The following FBXO31 variants were observed in gnomAD, a reference collection of about 807,000 sequenced individuals.
FBXO31 encodes the protein F-box only protein 31.
FBXO31 carries 24 observed loss-of-function variants against 54.4 expected under a neutral mutation model. The ratio of observed to expected loss-of-function variants is 0.44; its 90% confidence interval spans 0.32 to 0.62. FBXO31 has a LOEUF of 0.62. FBXO31 is among the 20% of genes least tolerant of loss of function. The probability of loss-of-function intolerance (pLI) is 0.05; values close to 1 mark genes in which losing one functional copy is unlikely to be tolerated. For missense variants in FBXO31, 665 were observed against 787.1 expected (o/e 0.84, Z 1.86); for synonymous variants, 388 against 335.6 (o/e 1.16, Z -1.71).
In FBXO31 at chr16:87,381,971, C is replaced by G. The variant is rs183304449; in HGVS notation, c.340+1434G>C. ...CTGGGAGACGGAGGTTGCAGTGAGCCAAGACCGCGCCACTGCACTCCACAG... is the reference window on the plus strand; with the variant it reads ...CTGGGAGACGGAGGTTGCAGTGAGCGAAGACCGCGCCACTGCACTCCACAG... On this transcript the variant is annotated intron_variant, in intron 1 of 8. Coordinates refer to ENST00000311635, the MANE Select transcript of FBXO31 (RefSeq NM_024735.5). 1.1e-4 allele frequency among the ~76,000 whole-genome samples: 16 copies of G among 151,704 alleles called. No homozygotes were observed. In the East Asian group the frequency reaches 3.1e-3, roughly 29 times the overall value.
At chr16:87,353,484 AGT>A (rs1402316492) in intron 2 of FBXO31, among the ~76,000 whole-genome samples, 2 of 152,254 alleles carry the variant, frequency 1.3e-5, no homozygotes, top group African/African-American at 4.8e-5. Flanking sequence ...TTGCGCAGAA[AGT>A]GCCCGATCCA....
chr16:87,344,310 C>T (rs765495664), intron 3 of FBXO31, among the ~76,000 whole-genome samples: 9 of 152,236 alleles, frequency 5.9e-5, no homozygotes, highest in African/African-American at 9.6e-5. Context: ...AGGAGAGAGA[C>T]GCCAAGACCC....
Position 87,361,638 on chromosome 16 carries a change from CT to C in FBXO31, c.341-1273del, listed in dbSNP as rs200904675. On this transcript the variant is annotated intron_variant, in intron 1 of 8. Transcript: ENST00000311635. ...GCCAGGTAGCTCCAAAGTGCTGCCC[CT>C]CATCACATGCCTTTTGATAAGCCCT... Among the ~76,000 whole-genome samples the C allele has an allele frequency of 1.4e-4, 22 of 152,326 alleles. No homozygotes were observed. In the East Asian group the frequency reaches 4.2e-3, roughly 29 times the overall value.
At chr16:87,380,822 C>G (rs999604819) in intron 1 of FBXO31, among the ~76,000 whole-genome samples, 1 of 152,236 alleles carries the variant, frequency 6.6e-6, no homozygotes, top group Non-Finnish European at 1.5e-5. Context: ...CAGTCGCTTT[C>G]TACATCTCCA....
upstream of FBXO31, chr16:87,383,836 T>A: frequency 3.3e-6 from 3 of 919,036 alleles, no homozygotes; most frequent in South Asian, 1.5e-4. This position sits in a 1 kb window ranked among gnomAD's most constrained non-coding sequence, Gnocchi z 4.9. Context: ...GCCGCAGAGC[T>A]CGCCACGCCC....
In FBXO31 at chr16:87,331,441, G is replaced by A. The variant is rs370196885; in HGVS notation, c.1467C>T (p.Ile489=). ...TSPERTPGVF[I]LFDEDRFGFV... ...ACCCGAAGCGGTCCTCATCGAAGAG[G>A]ATGAAGACCCCGGGGGTGCGTTCAG... The change falls in exon 9 of 9, where the codon ATC becomes ATT. Residue 489 remains isoleucine (I), a synonymous_variant. Transcript: ENST00000311635. The A allele has an allele frequency of 3.1e-6, 5 of 1,613,646 alleles. No homozygotes were observed. In the African/African-American group the frequency reaches 5.3e-5, roughly 17 times the overall value.
chr16:87,366,920 G>A (rs1336530430), intron 1 of FBXO31, among the ~76,000 whole-genome samples: 1 of 152,196 alleles, frequency 6.6e-6, no homozygotes, highest in East Asian at 1.9e-4. Context: ...GCTCACACTT[G>A]TAATCCCAGC....
At chr16:87,370,176 G>A (rs1008010307) in intron 1 of FBXO31, among the ~76,000 whole-genome samples, 10 of 152,182 alleles carry the variant, frequency 6.6e-5, no homozygotes, top group Admixed American at 2.6e-4. Context: ...CCTCTCAGGG[G>A]CCCGGGGAAG....
chr16:87,368,308 G>T (rs1906452689), intron 1 of FBXO31, among the ~76,000 whole-genome samples: 1 of 152,132 alleles, frequency 6.6e-6, no homozygotes. Context: ...TTTTCCACAT[G>T]ATGAAAAAAG....
rs1019028391 is a variant in FBXO31, at chr16:87,335,717, G to A, written c.843-260C>T. Among the ~76,000 whole-genome samples, 1 of 152,190 alleles carries A rather than the reference G, an allele frequency of 6.6e-6. No homozygotes were observed. The highest frequency in any genetic ancestry group is 1.5e-5 in the Non-Finnish European group (1 of 68,034). On this transcript the variant is annotated intron_variant, in intron 6 of 8. Coordinates refer to ENST00000311635, the MANE Select transcript of FBXO31 (RefSeq NM_024735.5). The surrounding 1 kb of genome is among the most constrained non-coding windows in gnomAD (Gnocchi z 5.7). ...CGCCAGGGCAGAGCTTTAGGTGGGA[G>A]GGAAAAGGAAGTGCCAGTTTGCTCC...
rs74801852 is a variant in FBXO31 at position 87,338,470 on chromosome 16, G to T, written c.733-2206C>A. Among the ~76,000 whole-genome samples, 12 of 149,304 alleles carry T rather than the reference G, an allele frequency of 8.0e-5. No individual in the cohort carries two copies. Among genetic ancestry groups the T allele is most frequent in the African/African-American group, 2.5e-5 (1 of 40,142 alleles). ...CCAAAAGCCTCAGTCTTGGGGCGGGGGAGGCGGGCCTGAAACACACAGGGG... is the reference window on the plus strand; with the variant it reads ...CCAAAAGCCTCAGTCTTGGGGCGGGTGAGGCGGGCCTGAAACACACAGGGG... On this transcript the variant is annotated intron_variant, in intron 5 of 8. Coordinates refer to ENST00000311635, the MANE Select transcript of FBXO31 (RefSeq NM_024735.5). The surrounding 1 kb of genome is among the most constrained non-coding windows in gnomAD (Gnocchi z 4.3).
intron 8 of FBXO31, among the ~76,000 whole-genome samples, chr16:87,332,580 G>A (rs1904897967): frequency 6.6e-6 from 1 of 151,610 alleles, no homozygotes; most frequent in South Asian, 2.1e-4. Context: ...AAACCCCCCA[G>A]TCACCGTTAT....
chr16:87,376,591 G>C (rs1395231547), intron 1 of FBXO31, among the ~76,000 whole-genome samples: 1 of 152,152 alleles, frequency 6.6e-6, no homozygotes, highest in Non-Finnish European at 1.5e-5. Context: ...TTAAATGGCA[G>C]AAAGTATTCA....
intron 2 of FBXO31, among the ~76,000 whole-genome samples, chr16:87,349,659 G>A (rs12051223): frequency 0.099 from 14,949 of 151,138 alleles, 1,049 homozygotes; most frequent in South Asian, 0.33. Context: ...GCAGTGAGCC[G>A]AGACCACGCC....
Position 87,327,579 on chromosome 16 carries a change from C to T in FBXO31, c.*3709G>A, listed in dbSNP as rs1325999006. 1 of 152,202 alleles carries T rather than the reference C, an allele frequency of 6.6e-6. No individual in the cohort carries two copies. The highest frequency in any genetic ancestry group is 1.5e-5 in the Non-Finnish European group (1 of 68,090). 9.4% of individuals were successfully genotyped at this position (152,202 alleles called of 1,614,324 possible). A position where few individuals can be genotyped will look rare whatever the true frequency, so the allele number is the denominator to read the frequency against. On this transcript the variant is annotated 3_prime_UTR_variant, in exon 9 of 9. Transcript: ENST00000311635. Reference sequence around the variant, plus strand: ...GCTAAGGCGGGCAGACAGCTTGAGCCTAGTAGGTTGAGGCCTCAGGGAGCC... The same window carrying T: ...GCTAAGGCGGGCAGACAGCTTGAGCTTAGTAGGTTGAGGCCTCAGGGAGCC...
chr16:87,357,076 C>T (rs1905923168), intron 2 of FBXO31, among the ~76,000 whole-genome samples: 1 of 152,010 alleles, frequency 6.6e-6, no homozygotes, highest in Admixed American at 6.6e-5. Flanking sequence ...TGAGACCCGT[C>T]ACTACAAAAA....
At chr16:87,349,884 G>A (rs1470289051) in intron 2 of FBXO31, among the ~76,000 whole-genome samples, 1 of 150,152 alleles carries the variant, frequency 6.7e-6, no homozygotes, top group African/African-American at 2.4e-5. Context: ...ACTCCAGCCT[G>A]TGCAACAGAG....
intron 8 of FBXO31, among the ~76,000 whole-genome samples, chr16:87,332,429 C>G (rs1234651894): frequency 2.0e-5 from 3 of 152,234 alleles, no homozygotes; most frequent in African/African-American, 7.2e-5. Context: ...CTGTGACTCG[C>G]AAACTGGCTC....
At chr16:87,356,678 G>A (rs540253075) in intron 2 of FBXO31, among the ~76,000 whole-genome samples, 2 of 152,334 alleles carry the variant, frequency 1.3e-5, no homozygotes, top group South Asian at 4.1e-4. Context: ...GCAGTGATCT[G>A]CTGAGATCTG....
Sources: gnomAD v4.1 joint callset for allele counts (sites outside exome capture counted in the v4.1 genomes callset) on GRCh38, gnomAD v4.1.1 for gene constraint, Gnocchi (gnomAD v3.1) non-coding constraint, MANE v1.5 for transcripts, NCBI Gene and HGNC (gene_info 2026-07-23, HGNC 2026-07-21) for gene names.